PPP6R3: variants seen among roughly 807,000 people sequenced by gnomAD.
PPP6R3 encodes the protein protein phosphatase 6 regulatory subunit 3.
Under a neutral mutation model 110.7 loss-of-function variants are expected in PPP6R3, and 38 were observed. That is an observed-to-expected ratio of 0.34 (90% confidence interval 0.26 to 0.45). The LOEUF is 0.45. Among genes scored for constraint, PPP6R3 ranks in the 20% least tolerant of loss-of-function variants. PPP6R3 has a pLI of 1.00. For synonymous variants in PPP6R3, 369 were observed against 373.5 expected (o/e 0.99, Z 0.14); for missense variants, 870 against 1,062.4 (o/e 0.82, Z 2.52).
At position 68,490,944 on chromosome 11, in the gene PPP6R3, T is replaced by C. The variant is rs111509001; in HGVS notation, c.-157-28557T>C. The stretch of plus-strand genomic sequence containing the variant: ...GGCATGGCCTGTAATCTTAGCACTT[T>C]GGGAGGCTGAGGCAGGCAGGTTGCT... On this transcript the variant is annotated intron_variant, in intron 1 of 23. Coordinates refer to ENST00000393800, the MANE Select transcript of PPP6R3 (RefSeq NM_001164161.2). Among the ~76,000 whole-genome samples the C allele has an allele frequency of 4.6e-5, 7 of 152,306 alleles. 2 individuals are homozygous for C. Among genetic ancestry groups the C allele is most frequent in the African/African-American group, 1.7e-4 (7 of 41,562 alleles).
rs144982350 is a variant in PPP6R3, at chr11:68,614,391, T to C, written c.*1274T>C. 2,740 of 1,268,640 alleles carry C rather than the reference T, an allele frequency of 2.2e-3. 42 individuals are homozygous for C. The African/African-American group carries it at 0.037, about 17-fold the overall frequency. The allele number at this position is 1,268,640 out of a possible 1,614,324, so 78.6% of individuals were successfully genotyped here. The stretch of plus-strand genomic sequence containing the variant: ...GGTGAAAGGGTTAAATTACTTCACC[T>C]CTTGCACTTTTAGATGCAAATCAGT... On this transcript the variant is annotated 3_prime_UTR_variant, in exon 24 of 24. Coordinates refer to ENST00000393800, the MANE Select transcript of PPP6R3 (RefSeq NM_001164161.2).
At chr11:68,514,480 A>G (rs564382223) in intron 1 of PPP6R3, among the ~76,000 whole-genome samples, 1 of 152,196 alleles carries the variant, frequency 6.6e-6, no homozygotes, top group South Asian at 2.1e-4. Context: ...GACTTGAATT[A>G]TACCTTGTAT....
chr11:68,514,522 A>G (rs532986663), intron 1 of PPP6R3, among the ~76,000 whole-genome samples: 1 of 152,002 alleles, frequency 6.6e-6, no homozygotes, highest in African/African-American at 2.4e-5. Flanking sequence ...ATTATTGCCT[A>G]TTTTATTGTG....
intron 1 of PPP6R3, among the ~76,000 whole-genome samples, chr11:68,497,207 C>T (rs890822758): frequency 1.6e-4 from 14 of 87,168 alleles, no homozygotes; most frequent in East Asian, 3.5e-4. Flanking sequence ...CCACCACGCC[C>T]GGCTAATTTT....
At chr11:68,463,200 C>T (rs1294216377) in intron 1 of PPP6R3, among the ~76,000 whole-genome samples, 1 of 151,792 alleles carries the variant, frequency 6.6e-6, no homozygotes, top group South Asian at 2.1e-4. Flanking sequence ...GAAACCTTGT[C>T]TCTATTAAAA....
At chr11:68,468,073 G>A (rs2098761258) in intron 1 of PPP6R3, among the ~76,000 whole-genome samples, 2 of 152,100 alleles carry the variant, frequency 1.3e-5, no homozygotes, top group Admixed American at 1.3e-4. Flanking sequence ...CACGCCCAGC[G>A]CATTTATTCT....
In PPP6R3 at chr11:68,481,724, TCATGG is replaced by T. The variant is rs1327583586; in HGVS notation, c.-158+20898_-158+20902del. 3.4e-3 allele frequency among the ~76,000 whole-genome samples: 521 copies of T among 152,350 alleles called. 6 individuals are homozygous for T. Among genetic ancestry groups the T allele is most frequent in the African/African-American group, 0.012 (498 of 41,580 alleles). On this transcript the variant is annotated intron_variant, in intron 1 of 23. Transcript: ENST00000393800. ...TGGTATCAGTTACTAGTAAAGTGCC[TCATGG>T]TTAGTGTAAACCTTCAGCAGCCTGC...
intron 15 of PPP6R3, among the ~76,000 whole-genome samples, chr11:68,584,714 C>T (rs943239348): frequency 1.3e-5 from 2 of 152,136 alleles, no homozygotes; most frequent in African/African-American, 2.4e-5. Context: ...CACGTGCGTA[C>T]GAAGCCATTT....
chr11:68,597,536 A>T (rs1290573173), intron 19 of PPP6R3, among the ~76,000 whole-genome samples: 1 of 152,188 alleles, frequency 6.6e-6, no homozygotes, highest in Non-Finnish European at 1.5e-5. Context: ...AACCATGAAG[A>T]CATTGAACTG....
At position 68,614,197 on chromosome 11, in the gene PPP6R3, T is replaced by TTCAC; in HGVS notation, c.*1084_*1087dup. ...ATTGTTTACTGTACCTTGTGAGGTT[T>TTCAC]TCACTCATAAATTTAAACCAGTGTA... On this transcript the variant is annotated 3_prime_UTR_variant, in exon 24 of 24. Coordinates refer to ENST00000393800, the MANE Select transcript of PPP6R3 (RefSeq NM_001164161.2). 1 of 988,980 alleles carries TTCAC rather than the reference T, an allele frequency of 1.0e-6. No homozygotes were observed. The highest frequency in any genetic ancestry group is 1.2e-6 in the Non-Finnish European group (1 of 832,232). 61.3% of individuals were successfully genotyped at this position (988,980 alleles called of 1,614,324 possible). A position where few individuals can be genotyped will look rare whatever the true frequency, so the allele number is the denominator to read the frequency against.
intron 1 of PPP6R3, among the ~76,000 whole-genome samples, chr11:68,486,603 T>TAAAA (rs61408861): frequency 2.9e-4 from 32 of 111,672 alleles, no homozygotes; most frequent in Admixed American, 9.9e-4. Context: ...GACTCTGTCT[T>TAAAA]AAAAAAAAAA....
chr11:68,538,848 G>A (rs148637769), intron 3 of PPP6R3, among the ~76,000 whole-genome samples: 1,559 of 152,296 alleles, frequency 0.01, 10 homozygotes, highest in African/African-American at 0.012. Context: ...GGCTGGGCGC[G>A]GTGGCTCATG....
chr11:68,475,882 C>T (rs1197741168), intron 1 of PPP6R3, among the ~76,000 whole-genome samples: 10 of 150,854 alleles, frequency 6.6e-5, no homozygotes, highest in Admixed American at 4.0e-4. Context: ...CGGGCAGAGG[C>T]GCTCTCCACA....
At position 68,600,482 on chromosome 11, in the gene PPP6R3, C is replaced by T. The variant is rs764040140; in HGVS notation, c.2180C>T (p.Thr727Met). ...ETGWASFSEF[T>M]SSLSTKDSLR... ...GGCTGGGCTTCTTTTTCAGAGTTCA[C>T]GTCTTCCCTGAGGTGAGCGAACATG... Residue 727 changes from threonine (T) to methionine (M), a missense_variant, in exon 20 of 24, where the codon ACG becomes ATG. Physicochemically the swap from Thr to Met is moderately conservative, Grantham distance 81. Transcript: ENST00000393800. 8 of 1,613,652 alleles carry T rather than the reference C, an allele frequency of 5.0e-6. 1 individual carries two copies. The South Asian group carries it at 6.6e-5, about 13-fold the overall frequency.
At chr11:68,467,482 G>A (rs1433031888) in intron 1 of PPP6R3, among the ~76,000 whole-genome samples, 1 of 152,238 alleles carries the variant, frequency 6.6e-6, no homozygotes, top group African/African-American at 2.4e-5. Context: ...GTGTGGGACT[G>A]TTAGTTGGAG....
At position 68,503,118 on chromosome 11, in the gene PPP6R3, ATT is replaced by A. The variant is rs201224791; in HGVS notation, c.-157-16378_-157-16377del. Among the ~76,000 whole-genome samples the A allele has an allele frequency of 2.7e-3, 410 of 151,910 alleles. 3 individuals carry two copies. Among genetic ancestry groups the A allele is most frequent in the African/African-American group, 9.5e-3 (394 of 41,418 alleles). On this transcript the variant is annotated intron_variant, in intron 1 of 23. Coordinates refer to ENST00000393800, the MANE Select transcript of PPP6R3 (RefSeq NM_001164161.2). Reference sequence around the variant, plus strand: ...ACCACCACGCCTGGCTAATTTTTGTATTTTTTAGTAGAGACAGGTTTCACCAT... The same window carrying A: ...ACCACCACGCCTGGCTAATTTTTGTATTTTAGTAGAGACAGGTTTCACCAT...
chr11:68,491,328 CTGTGTGTGTGTGTGTG>C (rs60972668), intron 1 of PPP6R3, among the ~76,000 whole-genome samples: 3,717 of 123,576 alleles, frequency 0.03, 104 homozygotes, highest in African/African-American at 0.077. Context: ...GTGTCTTCAG[CTGTGTGTGTGTGTGTG>C]TGTGTGTGTG....
intron 23 of PPP6R3, 183 bp from the exon 24 acceptor site, chr11:68,612,883 C>T (rs544265153): frequency 1.7e-6 from 2 of 1,186,358 alleles, no homozygotes; most frequent in Non-Finnish European, 2.3e-6. Flanking sequence ...AGCTTAGATG[C>T]ACTCACTCAG....
chr11:68,464,077 G>C (rs1201070338), intron 1 of PPP6R3, among the ~76,000 whole-genome samples: 1 of 152,218 alleles, frequency 6.6e-6, no homozygotes, highest in Admixed American at 6.5e-5. Flanking sequence ...AGAATAATTA[G>C]AAATTTTTTA....
Sources: gnomAD v4.1 joint callset for allele counts (sites outside exome capture counted in the v4.1 genomes callset) on GRCh38, gnomAD v4.1.1 for gene constraint, MANE v1.5 for transcripts, NCBI Gene and HGNC (gene_info 2026-07-23, HGNC 2026-07-21) for gene names.